Variants in ASPH observed in about 807,000 individuals in gnomAD.
ASPH encodes aspartate beta-hydroxylase, also known as aspartyl/asparaginyl beta-hydroxylase.
Under a neutral mutation model 118.4 loss-of-function variants are expected in ASPH, and 100 were observed. The observed-to-expected ratio is 0.84, with a 90% confidence interval of 0.72 to 1.00. The LOEUF (loss-of-function observed/expected upper bound fraction) is 1.00, where lower values mean the gene tolerates loss of function less well. Ranked by LOEUF, ASPH falls within the 50% of genes least tolerant of loss-of-function variation. The probability of loss-of-function intolerance (pLI) is 0.00; values close to 1 mark genes in which losing one functional copy is unlikely to be tolerated. For synonymous variants in ASPH, 315 were observed against 325.6 expected (o/e 0.97, Z 0.35); for missense variants, 920 against 919.5 (o/e 1.00, Z -0.01).
At chr8:61,671,219 T>C (rs770931730) in intron 3 of ASPH, among the ~76,000 whole-genome samples, 8 of 152,192 alleles carry the variant, frequency 5.3e-5, no homozygotes, top group Non-Finnish European at 7.3e-5. Flanking sequence ...CTTGACAGAA[T>C]TAAATTCTTA....
chr8:61,683,309 T>C (rs1829026119), intron 2 of ASPH, among the ~76,000 whole-genome samples: 1 of 152,168 alleles, frequency 6.6e-6, no homozygotes, highest in South Asian at 2.1e-4. Flanking sequence ...CAAATATATA[T>C]AATATTGAAT....
Position 61,500,648 on chromosome 8 carries a change from A to C in ASPH, c.*2711T>G, listed in dbSNP as rs895161454. 6.6e-6 allele frequency: 1 copy of C among 151,270 alleles called. No homozygotes were observed. The highest frequency in any genetic ancestry group is 2.4e-5 in the African/African-American group (1 of 40,880). The allele number at this position is 151,270 out of a possible 1,614,324, so 9.4% of individuals were successfully genotyped here. A position where few individuals can be genotyped will look rare whatever the true frequency, so the allele number is the denominator to read the frequency against. On this transcript the variant is annotated 3_prime_UTR_variant, in exon 25 of 25. Transcript: ENST00000379454. Reference sequence around the variant, plus strand: ...AAGAAATCAGACATAAAATAAACAGACATCATATATGATATCCTTACTTGT... The same window carrying C: ...AAGAAATCAGACATAAAATAAACAGCCATCATATATGATATCCTTACTTGT...
intron 3 of ASPH, among the ~76,000 whole-genome samples, chr8:61,670,273 T>G (rs1588979770): frequency 1.3e-5 from 2 of 151,462 alleles, no homozygotes; most frequent in African/African-American, 2.4e-5. Flanking sequence ...AAAATGAAAT[T>G]AAATTTTTTA....
chr8:61,691,198 G>A (rs575174385), intron 1 of ASPH, among the ~76,000 whole-genome samples: 2 of 152,134 alleles, frequency 1.3e-5, no homozygotes, highest in Non-Finnish European at 2.9e-5. Context: ...GGTGTGCCTA[G>A]TCTCAAAGGG....
chr8:61,608,507 T>C (rs540169791), intron 14 of ASPH, among the ~76,000 whole-genome samples: 2 of 152,332 alleles, frequency 1.3e-5, no homozygotes, highest in Admixed American at 6.5e-5. Context: ...TTTAATAAAC[T>C]TAAAATTTTT....
chr8:61,614,260 T>A (rs1848338850), intron 14 of ASPH, among the ~76,000 whole-genome samples: 1 of 152,146 alleles, frequency 6.6e-6, no homozygotes, highest in Non-Finnish European at 1.5e-5. Flanking sequence ...AAATAAAAAA[T>A]TTTAGGAAAA....
At chr8:61,708,350 G>A (rs887804400) in intron 1 of ASPH, among the ~76,000 whole-genome samples, 2 of 152,192 alleles carry the variant, frequency 1.3e-5, no homozygotes, top group African/African-American at 4.8e-5. Context: ...GAATGGAAAA[G>A]TAGTTAAATG....
chr8:61,583,985 T>C lies in ASPH; in HGVS notation c.1021A>G (p.Ile341Val), dbSNP rs1312924223. 13 of 1,584,818 alleles carry C rather than the reference T, an allele frequency of 8.2e-6. No homozygotes were observed. In the South Asian group the frequency reaches 9.4e-5, roughly 11 times the overall value. ...TCTGCAGCATCAAGTTCAGCTTTAATAGTCTTATCAAATTTATTTAAAAGT... is the reference window on the plus strand; with the variant it reads ...TCTGCAGCATCAAGTTCAGCTTTAACAGTCTTATCAAATTTATTTAAAAGT... The part of the protein sequence containing the change: ...PKLLNKFDKT[I>V]KAELDAAEKL... Residue 341 changes from isoleucine to valine, a missense_variant, in exon 15 of 25, where the codon ATT becomes GTT. Coordinates refer to ENST00000379454, the MANE Select transcript of ASPH (RefSeq NM_004318.4).
chr8:61,576,579 G>A, intron 16 of ASPH, 193 bp downstream of exon 16: 3 of 484,686 alleles, frequency 6.2e-6, no homozygotes, highest in South Asian at 4.1e-5. Flanking sequence ...TCATATGGAG[G>A]GGGAGCAGAA....
At chr8:61,616,984 G>T (rs1046631637) in intron 14 of ASPH, among the ~76,000 whole-genome samples, 1 of 152,200 alleles carries the variant, frequency 6.6e-6, no homozygotes, top group Non-Finnish European at 1.5e-5. Context: ...TGTGTTTTGA[G>T]GGGGAAAGAT....
chr8:61,558,233 T>C (rs894205361), intron 18 of ASPH, among the ~76,000 whole-genome samples: 3 of 152,110 alleles, frequency 2.0e-5, no homozygotes, highest in Non-Finnish European at 4.4e-5. Context: ...AGGATGAGTG[T>C]GGGTGGGGCC....
rs1410696157 is a variant in ASPH, at chr8:61,637,177, G to T, written c.889+770C>A. On this transcript the variant is annotated intron_variant, in intron 12 of 24. Coordinates refer to ENST00000379454, the MANE Select transcript of ASPH (RefSeq NM_004318.4). ...TACATGCTCCCCCTGGCAACTTATGGTTGTTAAAGCAGAGACCCCATTCCC... is the reference window on the plus strand; with the variant it reads ...TACATGCTCCCCCTGGCAACTTATGTTTGTTAAAGCAGAGACCCCATTCCC... 2.6e-5 allele frequency among the ~76,000 whole-genome samples: 4 copies of T among 152,012 alleles called. No homozygotes were observed. In the East Asian group the frequency reaches 5.8e-4, roughly 22 times the overall value.
At chr8:61,503,601 G>A in intron 24 of ASPH, 92 bp from the exon 25 acceptor site, 4 of 1,281,472 alleles carry the variant, frequency 3.1e-6, no homozygotes, top group East Asian at 5.2e-5. Context: ...AACTACCTTT[G>A]GTAACAACCT....
chr8:61,506,537 G>A (rs1330694539), intron 24 of ASPH, among the ~76,000 whole-genome samples: 1 of 152,156 alleles, frequency 6.6e-6, no homozygotes, highest in African/African-American at 2.4e-5. Flanking sequence ...GAGAGCATGT[G>A]GTAGAGGAGA....
intron 1 of ASPH, among the ~76,000 whole-genome samples, chr8:61,695,589 C>G (rs1197189859): frequency 6.6e-6 from 1 of 152,224 alleles, no homozygotes; most frequent in Non-Finnish European, 1.5e-5. Context: ...CCTCACTTCC[C>G]TTACTCTCAC....
intron 7 of ASPH, 29 bp downstream of exon 7, chr8:61,644,567 CTAAT>C (rs1391558750): frequency 6.5e-7 from 1 of 1,532,626 alleles, no homozygotes; most frequent in East Asian, 2.4e-5. Flanking sequence ...AAGACTCACT[CTAAT>C]TAAGAACAGA....
chr8:61,542,494 G>A (rs1164740523), intron 21 of ASPH, among the ~76,000 whole-genome samples: 1 of 152,036 alleles, frequency 6.6e-6, no homozygotes, highest in Non-Finnish European at 1.5e-5. Flanking sequence ...CAGAAATTTT[G>A]CTCCAACATA....
At chr8:61,531,593 T>A (rs1156253958) in intron 21 of ASPH, among the ~76,000 whole-genome samples, 1 of 152,014 alleles carries the variant, frequency 6.6e-6, no homozygotes, top group African/African-American at 2.4e-5. Flanking sequence ...TGACAGAGAT[T>A]GAATATATTC....
At chr8:61,650,928 A>G in intron 5 of ASPH, 122 bp downstream of exon 5, 1 of 989,702 alleles carries the variant, frequency 1.0e-6, no homozygotes, top group East Asian at 2.6e-5. Context: ...TGAATTCAAA[A>G]ACTTTTTAAA....
Sources: allele counts gnomAD v4.1 joint callset (sites outside exome capture counted in the v4.1 genomes callset), GRCh38; gene constraint gnomAD v4.1.1; transcripts MANE v1.5; gene names NCBI Gene and HGNC (gene_info 2026-07-23, HGNC 2026-07-21).